The following MAGI2 variants were observed in gnomAD, a reference collection of about 807,000 sequenced individuals.
MAGI2 encodes the protein membrane associated guanylate kinase, WW and PDZ domain containing 2, also known as membrane-associated guanylate kinase, WW and PDZ domain-containing protein 2.
Under a neutral mutation model 133.3 loss-of-function variants are expected in MAGI2, and 35 were observed. The observed-to-expected ratio is 0.26, with a 90% CI of 0.20 to 0.35. The LOEUF is 0.35. MAGI2 is among the 10% of genes least tolerant of loss of function. The probability of loss-of-function intolerance (pLI) is 1.00; values close to 1 mark genes in which losing one functional copy is unlikely to be tolerated. For synonymous variants in MAGI2, 729 were observed against 710.6 expected (o/e 1.03, Z -0.41); for missense variants, 1,636 against 1,863.4 (o/e 0.88, Z 2.25).
intron 2 of MAGI2, among the ~76,000 whole-genome samples, chr7:78,714,056 A>T (rs557519920): frequency 1.1e-3 from 145 of 126,170 alleles, no homozygotes; most frequent in African/African-American, 3.9e-3. Flanking sequence ...CAGTTGTGTG[A>T]TATGTGTTGT....
At chr7:78,567,419 C>T (rs1026368832) in intron 3 of MAGI2, among the ~76,000 whole-genome samples, 4 of 148,976 alleles carry the variant, frequency 2.7e-5, no homozygotes, top group Non-Finnish European at 5.9e-5. Flanking sequence ...CACACACACA[C>T]AACCGCAATG....
At chr7:78,465,423 C>A (rs1366867279) in intron 6 of MAGI2, among the ~76,000 whole-genome samples, 1 of 152,108 alleles carries the variant, frequency 6.6e-6, no homozygotes, top group Non-Finnish European at 1.5e-5. Context: ...GTTTATCAAG[C>A]CATGTACTAT....
At position 79,258,869 on chromosome 7, in the gene MAGI2, A is replaced by G. The variant is rs573256922; in HGVS notation, c.301+194151T>C. On this transcript the variant is annotated intron_variant, in intron 1 of 21. Transcript: ENST00000354212. ...CAAGTGCAAAGATCTTAAGTAATTC[A>G]TCACACAATGAACAAACTTTCAAAA... Among the ~76,000 whole-genome samples, 43 of 152,368 alleles carry G rather than the reference A, an allele frequency of 2.8e-4. 1 individual carries two copies. The highest frequency in any genetic ancestry group is 9.9e-4 in the African/African-American group (41 of 41,588).
intron 2 of MAGI2, among the ~76,000 whole-genome samples, chr7:78,800,787 T>C (rs1407956083): frequency 6.6e-6 from 1 of 152,148 alleles, no homozygotes; most frequent in Non-Finnish European, 1.5e-5. Flanking sequence ...TAGTCATCCA[T>C]ATTTCCTTGC....
intron 7 of MAGI2, among the ~76,000 whole-genome samples, chr7:78,351,391 C>T (rs1004761579): frequency 2.8e-4 from 42 of 152,016 alleles, no homozygotes; most frequent in African/African-American, 8.4e-4. Context: ...TGTCTGTAGT[C>T]TCAGCTTGGG....
intron 2 of MAGI2, among the ~76,000 whole-genome samples, chr7:78,987,308 A>C (rs1225468708): frequency 6.6e-6 from 1 of 152,120 alleles, no homozygotes; most frequent in East Asian, 1.9e-4. Flanking sequence ...AAAATCTTTC[A>C]GGAAAGAGCA....
At chr7:79,097,954 T>G (rs1267117566) in intron 1 of MAGI2, among the ~76,000 whole-genome samples, 3 of 152,110 alleles carry the variant, frequency 2.0e-5, no homozygotes, top group African/African-American at 7.2e-5. Flanking sequence ...AAACCCCATC[T>G]CTACCAAAAA....
chr7:78,132,277 C>T (rs1310068857), intron 18 of MAGI2, among the ~76,000 whole-genome samples: 1 of 152,226 alleles, frequency 6.6e-6, no homozygotes, highest in Non-Finnish European at 1.5e-5. Flanking sequence ...ACGTCTGCAG[C>T]CACCTCCTAA....
At chr7:79,001,848 C>A (rs1434618082) in intron 2 of MAGI2, among the ~76,000 whole-genome samples, 1 of 152,138 alleles carries the variant, frequency 6.6e-6, no homozygotes, top group African/African-American at 2.4e-5. Flanking sequence ...CCTGTTTAAT[C>A]ATCTCTAAAT....
At chr7:78,911,434 A>G (rs755811050) in intron 2 of MAGI2, among the ~76,000 whole-genome samples, 3 of 152,130 alleles carry the variant, frequency 2.0e-5, no homozygotes, top group Non-Finnish European at 2.9e-5. Context: ...GTGCCTTTAC[A>G]AAAAAGGCTT....
chr7:78,968,133 C>T (rs894463413), intron 2 of MAGI2, among the ~76,000 whole-genome samples: 1 of 152,030 alleles, frequency 6.6e-6, no homozygotes, highest in Non-Finnish European at 1.5e-5. Flanking sequence ...ACCCTGCCTC[C>T]ACTTGGTTTT....
At chr7:78,152,368 G>A (rs932040461) in intron 16 of MAGI2, among the ~76,000 whole-genome samples, 1 of 152,154 alleles carries the variant, frequency 6.6e-6, no homozygotes, top group South Asian at 2.1e-4. Flanking sequence ...AGATGCCCCA[G>A]GGTCTTGAAT....
chr7:78,524,259 C>T (rs1796762951), intron 3 of MAGI2, among the ~76,000 whole-genome samples: 3 of 152,124 alleles, frequency 2.0e-5, no homozygotes, highest in Admixed American at 6.5e-5. Context: ...TACCCCGCCC[C>T]GGCAGAAAGG....
In MAGI2 at chr7:79,190,024, C is replaced by G. The variant is rs146662666; in HGVS notation, c.302-182818G>C. Among the ~76,000 whole-genome samples, 64 of 151,760 alleles carry G rather than the reference C, an allele frequency of 4.2e-4. No individual in the cohort carries two copies. The East Asian group carries it at 0.012, about 29-fold the overall frequency. On this transcript the variant is annotated intron_variant, in intron 1 of 21. Coordinates refer to ENST00000354212, the MANE Select transcript of MAGI2 (RefSeq NM_012301.4). ...ACCACAGTTTGTTCATATATTCTACCTATTGAAGGACATTTTGGTGGCTTT... is the reference window on the plus strand; with the variant it reads ...ACCACAGTTTGTTCATATATTCTACGTATTGAAGGACATTTTGGTGGCTTT...
At chr7:78,509,854 C>T (rs771336212) in intron 4 of MAGI2, among the ~76,000 whole-genome samples, 30 of 151,990 alleles carry the variant, frequency 2.0e-4, no homozygotes, top group Non-Finnish European at 3.2e-4. Context: ...CTGTAACTGC[C>T]GTCTTTTGAA....
chr7:79,102,220 CA>C (rs1204135524), intron 1 of MAGI2, among the ~76,000 whole-genome samples: 1 of 152,036 alleles, frequency 6.6e-6, no homozygotes, highest in Non-Finnish European at 1.5e-5. Flanking sequence ...ACGTATGCCC[CA>C]AAATTCATTT....
rs1044443205 is a variant in MAGI2, at chr7:78,018,547, T to A, written c.*768A>T. 1.6e-4 allele frequency: 25 copies of A among 152,212 alleles called. No individual in the cohort carries two copies. The highest frequency in any genetic ancestry group is 5.8e-4 in the African/African-American group (24 of 41,444). 9.4% of individuals were successfully genotyped at this position (152,212 alleles called of 1,614,324 possible). ...AAGATCTATGAGCTAAACTGCAAAATTCTGACTTATGGCAAACTGTTCCCT... is the reference window on the plus strand; with the variant it reads ...AAGATCTATGAGCTAAACTGCAAAAATCTGACTTATGGCAAACTGTTCCCT... On this transcript the variant is annotated 3_prime_UTR_variant, in exon 22 of 22. Transcript: ENST00000354212.
chr7:79,243,735 C>T (rs1440765579), intron 1 of MAGI2, among the ~76,000 whole-genome samples: 1 of 152,020 alleles, frequency 6.6e-6, no homozygotes. Flanking sequence ...CTTTAATGTC[C>T]ATAACTTAAA....
chr7:78,567,928 C>T (rs1394008087), intron 3 of MAGI2: 1 of 152,212 alleles, frequency 6.6e-6, no homozygotes, highest in African/African-American at 2.4e-5. Flanking sequence ...CACACCATTA[C>T]ATTTCTCTTG....
Sources: gnomAD v4.1 joint callset for allele counts (sites outside exome capture counted in the v4.1 genomes callset) on GRCh38, gnomAD v4.1.1 for gene constraint, MANE v1.5 for transcripts, NCBI Gene and HGNC (gene_info 2026-07-23, HGNC 2026-07-21) for gene names.